NRP1: variants seen among roughly 807,000 people sequenced by gnomAD.
NRP1 encodes neuropilin-1.
In NRP1, 35 loss-of-function variants were observed where a neutral mutation model predicts 106.7. That is an observed-to-expected ratio of 0.33 (90% CI 0.25 to 0.43). The LOEUF (loss-of-function observed/expected upper bound fraction) is 0.43, where lower values mean the gene tolerates loss of function less well. Ranked by LOEUF, NRP1 falls within the 20% of genes least tolerant of loss-of-function variation. NRP1 has a pLI of 1.00. For synonymous variants in NRP1, 437 were observed against 417.9 expected (o/e 1.05, Z -0.56); for missense variants, 1,024 against 1,170.4 (o/e 0.87, Z 1.83).
chr10:33,308,190 A>G (rs187859240), intron 2 of NRP1, among the ~76,000 whole-genome samples: 94 of 152,188 alleles, frequency 6.2e-4, no homozygotes, highest in Non-Finnish European at 8.5e-4. Flanking sequence ...GCAAAGAACA[A>G]CAGATAGCAG....
chr10:33,215,345 A>G (rs754314840), intron 8 of NRP1, among the ~76,000 whole-genome samples: 1 of 152,144 alleles, frequency 6.6e-6, no homozygotes, highest in South Asian at 2.1e-4. Context: ...TCAGCATTCC[A>G]CTGCTCTCTA....
At position 33,330,869 on chromosome 10, in the gene NRP1, A is replaced by G. The variant is rs1156913327; in HGVS notation, c.87T>C (p.Asp29=). 1.2e-6 allele frequency: 2 copies of G among 1,605,374 alleles called. No individual in the cohort carries two copies. Among genetic ancestry groups the G allele is most frequent in the Middle Eastern group, 1.7e-4 (1 of 6,014 alleles). Residue 29 remains aspartate (D), a synonymous_variant, in exon 2 of 17, where the codon GAT becomes GAC. Coordinates refer to ENST00000374867, the MANE Select transcript of NRP1 (RefSeq NM_003873.7). ...AGAFRNDKCG[D]TIKIESPGYL... Reference sequence around the variant, plus strand: ...ACCCGGGGCTTTCAATTTTTATAGTATCGCCACATTTATCTGCAATGAAAG... The same window carrying G: ...ACCCGGGGCTTTCAATTTTTATAGTGTCGCCACATTTATCTGCAATGAAAG...
chr10:33,191,910 G>A (rs112964303), intron 13 of NRP1, among the ~76,000 whole-genome samples: 337 of 151,168 alleles, frequency 2.2e-3, no homozygotes, highest in Non-Finnish European at 3.1e-3. Context: ...GCCAGGAGGC[G>A]GAGGTTGCAG....
At chr10:33,239,277 G>A (rs1384995150) in intron 6 of NRP1, among the ~76,000 whole-genome samples, 3 of 147,886 alleles carry the variant, frequency 2.0e-5, no homozygotes, top group African/African-American at 7.5e-5. Context: ...AACAGAGGAA[G>A]ACCCTGTCTC....
At chr10:33,213,113 CCCGTCT>C in intron 9 of NRP1, 4 of 854,368 alleles carry the variant, frequency 4.7e-6, no homozygotes, top group Non-Finnish European at 5.3e-6. Context: ...CTTGGGCTTC[CCCGTCT>C]CCTGTCTGCA....
chr10:33,188,186 C>T lies in NRP1; in HGVS notation c.2063-1698G>A, dbSNP rs186544008. On this transcript the variant is annotated intron_variant, in intron 13 of 16. Transcript: ENST00000374867. ...AATACACCCATCGTGCCTCTGTCCC[C>T]TCAATCTTACGGAAAAAAGACTGAA... Among the ~76,000 whole-genome samples, 6 of 152,272 alleles carry T rather than the reference C, an allele frequency of 3.9e-5. No individual in the cohort carries two copies. In the East Asian group the frequency reaches 1.2e-3, roughly 29 times the overall value.
intron 2 of NRP1, among the ~76,000 whole-genome samples, chr10:33,289,781 C>T (rs763790612): frequency 4.7e-4 from 71 of 152,312 alleles, no homozygotes; most frequent in Non-Finnish European, 3.7e-4. Context: ...AAAAGGTTTG[C>T]TACGTTTTAT....
At chr10:33,273,594 C>A (rs1843467578) in intron 2 of NRP1, among the ~76,000 whole-genome samples, 1 of 152,158 alleles carries the variant, frequency 6.6e-6, no homozygotes, top group African/African-American at 2.4e-5. Flanking sequence ...GTGTGGCAAA[C>A]ACGGCATTGC....
intron 6 of NRP1, among the ~76,000 whole-genome samples, chr10:33,248,312 G>A (rs1841580342): frequency 6.6e-6 from 1 of 152,108 alleles, no homozygotes; most frequent in Admixed American, 6.5e-5. Flanking sequence ...CTTTTATAAG[G>A]GAAGAGCGCT....
intron 6 of NRP1, chr10:33,249,410 T>C (rs753854503): frequency 1.2e-5 from 6 of 511,662 alleles, no homozygotes; most frequent in Admixed American, 8.3e-5. Flanking sequence ...AGAGCCTGAA[T>C]GGAGTGAAGG....
At chr10:33,208,065 A>G (rs1344585058) in intron 9 of NRP1, among the ~76,000 whole-genome samples, 2 of 152,074 alleles carry the variant, frequency 1.3e-5, no homozygotes, top group Non-Finnish European at 2.9e-5. Flanking sequence ...AGCTTGGACT[A>G]CAGGCACCCG....
At chr10:33,205,526 TTTTGAAGGGTAA>T (rs1434960299) in intron 10 of NRP1, 9 of 152,108 alleles carry the variant, frequency 5.9e-5, no homozygotes, top group African/African-American at 2.2e-4. Flanking sequence ...GGGGTTTAGG[TTTTGAAGGGTAA>T]TTTGTTGAGC....
chr10:33,324,818 A>G (rs970533978), intron 2 of NRP1, among the ~76,000 whole-genome samples: 1 of 152,100 alleles, frequency 6.6e-6, no homozygotes, highest in Non-Finnish European at 1.5e-5. Context: ...TTGTATTTTT[A>G]GTAGAGACGG....
At chr10:33,211,087 T>C (rs1398531905) in intron 9 of NRP1, among the ~76,000 whole-genome samples, 1 of 152,170 alleles carries the variant, frequency 6.6e-6, no homozygotes, top group Non-Finnish European at 1.5e-5. Flanking sequence ...CAATCTTGAA[T>C]TGAGTATTTT....
chr10:33,290,214 T>C (rs1348319611), intron 2 of NRP1, among the ~76,000 whole-genome samples: 1 of 152,180 alleles, frequency 6.6e-6, no homozygotes, highest in African/African-American at 2.4e-5. Flanking sequence ...ATATAAAATA[T>C]TACAATCTTA....
At chr10:33,261,037 C>A (rs570614693) in intron 4 of NRP1, among the ~76,000 whole-genome samples, 2 of 144,958 alleles carry the variant, frequency 1.4e-5, no homozygotes, top group Non-Finnish European at 3.0e-5. Flanking sequence ...TTTTATTTTG[C>A]CTAAAAAAGA....
At chr10:33,221,683 C>A in intron 8 of NRP1, 36 bp downstream of exon 8, 2 of 1,590,346 alleles carry the variant, frequency 1.3e-6, no homozygotes, top group Non-Finnish European at 1.7e-6. Flanking sequence ...CAATCTTCGA[C>A]TTGGAAGATT....
At chr10:33,249,090 T>G (rs1024453301) in intron 6 of NRP1, among the ~76,000 whole-genome samples, 5 of 141,806 alleles carry the variant, frequency 3.5e-5, no homozygotes, top group South Asian at 2.3e-4. Flanking sequence ...TCTTGTTTTT[T>G]TTTTTTTTTT....
intron 8 of NRP1, among the ~76,000 whole-genome samples, chr10:33,217,978 C>T (rs1838912666): frequency 6.6e-6 from 1 of 152,166 alleles, no homozygotes; most frequent in Non-Finnish European, 1.5e-5. Flanking sequence ...ATGGGAGACC[C>T]TGAATGAGCA....
Sources: gnomAD v4.1 joint callset for allele counts (sites outside exome capture counted in the v4.1 genomes callset) on GRCh38, gnomAD v4.1.1 for gene constraint, MANE v1.5 for transcripts, NCBI Gene and HGNC (gene_info 2026-07-23, HGNC 2026-07-21) for gene names.